Variants in SCN3A observed in about 807,000 individuals in gnomAD.
SCN3A encodes the protein sodium channel protein type 3 subunit alpha.
SCN3A carries 60 observed loss-of-function variants against 187.6 expected under a neutral mutation model. The ratio of observed to expected loss-of-function variants is 0.32; its 90% CI spans 0.26 to 0.40. SCN3A has a LOEUF of 0.40. Ranked by LOEUF, SCN3A falls within the 10% of genes least tolerant of loss-of-function variation. The pLI is 1.00. For synonymous variants in SCN3A, 788 were observed against 829.2 expected (o/e 0.95, Z 0.85); for missense variants, 1,601 against 2,428.2 (o/e 0.66, Z 7.16).
chr2:165,129,161 A>G (rs1389347648), intron 17 of SCN3A, among the ~76,000 whole-genome samples: 3 of 152,200 alleles, frequency 2.0e-5, no homozygotes, highest in Non-Finnish European at 4.4e-5. Flanking sequence ...TCTGAAATGT[A>G]TCCCTCAAAG....
chr2:165,133,884 A>G (rs564548392), intron 15 of SCN3A, among the ~76,000 whole-genome samples: 1 of 152,268 alleles, frequency 6.6e-6, no homozygotes, highest in East Asian at 1.9e-4. Flanking sequence ...ACAAATCCAC[A>G]TATTACTGAA....
At chr2:165,112,453 C>G (rs184151010) in intron 21 of SCN3A, among the ~76,000 whole-genome samples, 1 of 152,146 alleles carries the variant, frequency 6.6e-6, no homozygotes. Flanking sequence ...TTTAGTCACA[C>G]GTACTCTAGG....
At chr2:165,175,220 CT>C (rs1254167191) in intron 3 of SCN3A, among the ~76,000 whole-genome samples, 1 of 152,104 alleles carries the variant, frequency 6.6e-6, no homozygotes, top group Non-Finnish European at 1.5e-5. Flanking sequence ...CATGGTGATA[CT>C]AATTTATCTT....
chr2:165,143,343 G>A (rs147738372), intron 12 of SCN3A, among the ~76,000 whole-genome samples: 1 of 152,138 alleles, frequency 6.6e-6, no homozygotes, highest in Non-Finnish European at 1.5e-5. Context: ...GGTCTACACA[G>A]TATTGGTTGG....
chr2:165,195,672 A>G (rs1691904904), intron 1 of SCN3A: 1 of 152,142 alleles, frequency 6.6e-6, no homozygotes, highest in Non-Finnish European at 1.5e-5. Flanking sequence ...TTGATCTCAC[A>G]GTGTTTTCTG....
intron 11 of SCN3A, among the ~76,000 whole-genome samples, chr2:165,151,846 C>T (rs1218252803): frequency 2.0e-5 from 3 of 152,086 alleles, no homozygotes; most frequent in Non-Finnish European, 4.4e-5. Context: ...GAGAGAACAC[C>T]ACCTGGCAAT....
chr2:165,108,266 A>G (rs1380829681), intron 21 of SCN3A, among the ~76,000 whole-genome samples: 1 of 152,104 alleles, frequency 6.6e-6, no homozygotes, highest in Non-Finnish European at 1.5e-5. Flanking sequence ...TGAGGTTGCC[A>G]ATATGTCAAT....
chr2:165,180,107 T>C (rs1559268535), intron 2 of SCN3A, among the ~76,000 whole-genome samples: 2 of 152,178 alleles, frequency 1.3e-5, no homozygotes, highest in Non-Finnish European at 2.9e-5. Context: ...AGCCTGTGGA[T>C]GAATGTGTGT....
At chr2:165,178,131 T>A (rs961641221) in intron 2 of SCN3A, among the ~76,000 whole-genome samples, 13 of 152,196 alleles carry the variant, frequency 8.5e-5, no homozygotes, top group Admixed American at 5.2e-4. Flanking sequence ...TAGCTTATTA[T>A]GTGTGTGGGG....
chr2:165,105,039 T>C (rs1020747667), intron 21 of SCN3A, among the ~76,000 whole-genome samples: 1 of 152,080 alleles, frequency 6.6e-6, no homozygotes, highest in Non-Finnish European at 1.5e-5. Context: ...CAACTCAAAT[T>C]GTTTCAAAAA....
intron 21 of SCN3A, among the ~76,000 whole-genome samples, chr2:165,108,461 C>T (rs1458093320): frequency 6.6e-6 from 1 of 152,156 alleles, no homozygotes; most frequent in Non-Finnish European, 1.5e-5. Flanking sequence ...TATCAAGCAT[C>T]TCCTTTTAAC....
intron 14 of SCN3A, among the ~76,000 whole-genome samples, chr2:165,138,726 A>C (rs1687815431): frequency 6.6e-6 from 1 of 152,200 alleles, no homozygotes; most frequent in Non-Finnish European, 1.5e-5. Context: ...GGCCTGTTAC[A>C]AAATAATTAT....
chr2:165,090,265 G>A lies in SCN3A; in HGVS notation c.5888C>T (p.Ser1963Phe), dbSNP rs1394287309. ...STPEKTDGSSSTTSPPSYDSV... is the reference protein window; with the variant it reads ...STPEKTDGSSFTTSPPSYDSV... The stretch of plus-strand genomic sequence containing the variant: ...ATCATAGGAAGGAGGAGAGGTGGTA[G>A]AGGAACTCCCATCTGTTTTTTCTGG... Residue 1963 changes from serine to phenylalanine, a missense_variant, in exon 28 of 28, where the codon TCT becomes TTT. Ser to Phe is a radical substitution (Grantham distance 155, BLOSUM62 -2). Coordinates refer to ENST00000283254, the MANE Select transcript of SCN3A (RefSeq NM_006922.4). This position sits in a 1 kb window ranked among gnomAD's most constrained non-coding sequence, Gnocchi z 4.0. The A allele has an allele frequency of 1.2e-6, 2 of 1,612,050 alleles. No homozygotes were observed. Among genetic ancestry groups the A allele is most frequent in the African/African-American group, 2.7e-5 (2 of 74,902 alleles).
intron 1 of SCN3A, among the ~76,000 whole-genome samples, chr2:165,201,766 A>G (rs1692337343): frequency 6.6e-6 from 1 of 152,006 alleles, no homozygotes; most frequent in Non-Finnish European, 1.5e-5. Flanking sequence ...TCTCTATTTT[A>G]CCACTTTCAT....
rs75496607 is a variant in SCN3A at position 165,109,420 on chromosome 2, A to G, written c.3843+3465T>C. Reference sequence around the variant, plus strand: ...AATGTCTAATAAACATCTCAAATGAATATATATCAAATGAATACATCTCTC... The same window carrying G: ...AATGTCTAATAAACATCTCAAATGAGTATATATCAAATGAATACATCTCTC... On this transcript the variant is annotated intron_variant, in intron 21 of 27. Transcript: ENST00000283254. 5.7e-3 allele frequency among the ~76,000 whole-genome samples: 868 copies of G among 152,268 alleles called. 7 individuals are homozygous for G. Among genetic ancestry groups the G allele is most frequent in the African/African-American group, 0.02 (831 of 41,540 alleles).
Position 165,127,984 on chromosome 2 carries a change from C to T in SCN3A, c.3040G>A (p.Gly1014Arg), listed in dbSNP as rs556482074. ...LQIAVGRMQK[G>R]IDYVKNKMRE... is the part of the protein sequence containing the mutation. ...ATCTTATTTTTCACATAATCAATTC[C>T]CTTTTGCATTCTTCCTACTGCAATC... Residue 1014 changes from glycine to arginine, a missense_variant, in exon 18 of 28, where the codon GGA (glycine) becomes AGA (arginine). Coordinates refer to ENST00000283254, the MANE Select transcript of SCN3A (RefSeq NM_006922.4). The T allele has an allele frequency of 1.2e-6, 2 of 1,614,014 alleles. No homozygotes were observed. Among genetic ancestry groups the T allele is most frequent in the Admixed American group, 1.7e-5 (1 of 60,016 alleles).
chr2:165,146,698 G>A (rs919279411), intron 12 of SCN3A, 41 bp downstream of exon 12: 1 of 1,609,116 alleles, frequency 6.2e-7, no homozygotes, highest in Non-Finnish European at 8.5e-7. Flanking sequence ...AAAAGCAATA[G>A]CAATGACAAA....
rs2105762699 is a variant in SCN3A, at chr2:165,127,836, T to A, written c.3188A>T (p.Tyr1063Phe). 5 of 1,614,230 alleles carry A rather than the reference T, an allele frequency of 3.1e-6. No homozygotes were observed. The highest frequency in any genetic ancestry group is 4.2e-6 in the Non-Finnish European group (5 of 1,180,030). ...TGIEISKELN[Y>F]LRDGNGTTSG... ...GGTGGTTCCATTCCCATCTCTAAGA[T>A]AATTAAGCTCTTTGCTTATTTCAAT... The change falls in exon 18 of 28, where the codon TAT becomes TTT. Residue 1063 changes from tyrosine (Y) to phenylalanine (F), a missense_variant. Coordinates refer to ENST00000283254, the MANE Select transcript of SCN3A (RefSeq NM_006922.4).
intron 18 of SCN3A, among the ~76,000 whole-genome samples, chr2:165,117,136 C>T (rs1294780233): frequency 2.6e-5 from 4 of 151,904 alleles, no homozygotes; most frequent in African/African-American, 9.7e-5. Context: ...TAAGAAAATA[C>T]TGGATAATTG....
Sources: allele counts gnomAD v4.1 joint callset (sites outside exome capture counted in the v4.1 genomes callset), GRCh38; gene constraint gnomAD v4.1.1; non-coding constraint Gnocchi (gnomAD v3.1); transcripts MANE v1.5; gene names NCBI Gene and HGNC (gene_info 2026-07-23, HGNC 2026-07-21).